The following ATP5PB variants were observed in gnomAD, a reference collection of about 807,000 sequenced individuals.
ATP5PB encodes ATP synthase peripheral stalk-membrane subunit b, also known as ATP synthase peripheral stalk subunit b, mitochondrial.
A neutral mutation model predicts 34.5 loss-of-function variants in ATP5PB; 21 were observed. That is an observed-to-expected ratio of 0.61 (90% confidence interval 0.43 to 0.88). The LOEUF is 0.88. Among genes scored for constraint, ATP5PB ranks in the 40% least tolerant of loss-of-function variants. The pLI is 0.00. For missense variants in ATP5PB, 293 were observed against 317.4 expected, an observed-to-expected ratio of 0.92 and a Z score of 0.58; for synonymous variants, 108 against 114.1, an observed-to-expected ratio of 0.95 and a Z score of 0.34.
At chr1:111,449,961 C>T (rs758221260) in intron 2 of ATP5PB, 88 bp downstream of exon 2, 18 of 1,550,658 alleles carry the variant, frequency 1.2e-5, no homozygotes, top group Non-Finnish European at 1.5e-5. Flanking sequence ...AGCTTTAGGT[C>T]AGAAATTTCT....
intron 2 of ATP5PB, among the ~76,000 whole-genome samples, chr1:111,452,531 A>G (rs1320017560): frequency 6.6e-6 from 1 of 152,234 alleles, no homozygotes; most frequent in Non-Finnish European, 1.5e-5. Context: ...AGATCATGCC[A>G]CTGTGCTCCC....
chr1:111,459,374 C>A, intron 5 of ATP5PB, 83 bp from the exon 6 acceptor site: 1 of 1,284,590 alleles, frequency 7.8e-7, no homozygotes, highest in Non-Finnish European at 1.1e-6. Context: ...AAGAAGTGGG[C>A]ATTCTCACTG....
At chr1:111,449,782 A>G in intron 1 of ATP5PB, 55 bp from the exon 2 acceptor site, 1 of 1,613,320 alleles carries the variant, frequency 6.2e-7, no homozygotes, top group Non-Finnish European at 8.5e-7. Flanking sequence ...GGGGTAAGGA[A>G]AGGGCAAACC....
At position 111,459,454 on chromosome 1, in the gene ATP5PB, C is replaced by T; in HGVS notation, c.514-3C>T. 6.3e-7 allele frequency: 1 copy of T among 1,594,082 alleles called. No homozygotes were observed. Among genetic ancestry groups the T allele is most frequent in the Non-Finnish European group, 8.6e-7 (1 of 1,168,272 alleles). ...TATTTATCATTTCTTAATTTTGCCC[C>T]AGAATAACATTGCTATGGCTTTGGA... On this transcript the variant is annotated splice_region_variant and splice_polypyrimidine_tract_variant and intron_variant, in intron 5 of 6. Coordinates refer to ENST00000369722, the MANE Select transcript of ATP5PB (RefSeq NM_001688.5).
At chr1:111,449,976 G>A in intron 2 of ATP5PB, 103 bp downstream of exon 2, 3 of 1,477,408 alleles carry the variant, frequency 2.0e-6, no homozygotes, top group Non-Finnish European at 2.8e-6. Flanking sequence ...ATTTCTTTCC[G>A]ATAATTTTGG....
chr1:111,454,148 T>C (rs1653404872), intron 2 of ATP5PB, 63 bp from the exon 3 acceptor site: 1 of 1,408,570 alleles, frequency 7.1e-7, no homozygotes, highest in South Asian at 1.8e-5. Flanking sequence ...TTCTGCTCAT[T>C]ATTCATACAC....
rs1653649590 is a variant in ATP5PB, at chr1:111,462,455, TGAA to T, written c.*1465_*1467del. On this transcript the variant is annotated 3_prime_UTR_variant, in exon 7 of 7. Transcript: ENST00000369722. ...TGTATTTTACAATCTTTTTTTAAATTGAAGAAAAATCCTGTAGATAAATTAGAA... is the reference window on the plus strand; with the variant it reads ...TGTATTTTACAATCTTTTTTTAAATTGAAAAATCCTGTAGATAAATTAGAA... The T allele has an allele frequency of 6.6e-6, 1 of 152,234 alleles. No homozygotes were observed. Among genetic ancestry groups the T allele is most frequent in the South Asian group, 2.1e-4 (1 of 4,830 alleles). 9.4% of individuals were successfully genotyped at this position (152,234 alleles called of 1,614,324 possible).
In ATP5PB at chr1:111,450,552, GAATT is replaced by G. The variant is rs567393903; in HGVS notation, c.77+682_77+685del. Among the ~76,000 whole-genome samples, 477 of 152,290 alleles carry G rather than the reference GAATT, an allele frequency of 3.1e-3. 2 individuals are homozygous for G. The highest frequency in any genetic ancestry group is 4.4e-3 in the Non-Finnish European group (297 of 68,030). Reference sequence around the variant, plus strand: ...GATAATAGTGCATTGTGGCTTTTGAGAATTAAGAGACAATTGCTGTGAAACTCAA... The same window carrying G: ...GATAATAGTGCATTGTGGCTTTTGAGAAGAGACAATTGCTGTGAAACTCAA... On this transcript the variant is annotated intron_variant, in intron 2 of 6. Transcript: ENST00000369722.
intron 2 of ATP5PB, among the ~76,000 whole-genome samples, chr1:111,451,986 G>T (rs558201589): frequency 6.6e-6 from 1 of 152,036 alleles, no homozygotes; most frequent in Non-Finnish European, 1.5e-5. Context: ...GGGCATTGTG[G>T]TGTACACCTG....
chr1:111,458,425 C>A (rs1257690627), intron 5 of ATP5PB, among the ~76,000 whole-genome samples: 1 of 152,134 alleles, frequency 6.6e-6, no homozygotes, highest in Non-Finnish European at 1.5e-5. Flanking sequence ...CCTGAAAGAA[C>A]TAATAGTGCA....
At chr1:111,455,278 A>G (rs1410393742) in intron 3 of ATP5PB, among the ~76,000 whole-genome samples, 1 of 152,092 alleles carries the variant, frequency 6.6e-6, no homozygotes, top group Non-Finnish European at 1.5e-5. Context: ...TTTCTTGCAA[A>G]TTCATATTTA....
In ATP5PB at chr1:111,456,110, T is replaced by C; in HGVS notation, c.248T>C (p.Leu83Pro). The C allele has an allele frequency of 6.2e-7, 1 of 1,607,336 alleles. No homozygotes were observed. Among genetic ancestry groups the C allele is most frequent in the Non-Finnish European group, 8.5e-7 (1 of 1,177,288 alleles). The change falls in exon 4 of 7, where the codon CTT becomes CCT. Residue 83 changes from leucine to proline, a missense_variant. Leu to Pro is a moderately conservative substitution (Grantham distance 98, BLOSUM62 -3). Transcript: ENST00000369722. Reference sequence around the variant, plus strand: ...GGACCCTATGTACTCGGAACTGGGCTTATCTTGTACGCTTTATCCAAAGAA... The same window carrying C: ...GGACCCTATGTACTCGGAACTGGGCCTATCTTGTACGCTTTATCCAAAGAA... ...VTGPYVLGTG[L>P]ILYALSKEIY...
In ATP5PB at chr1:111,462,538, A is replaced by T. The variant is rs1329866370; in HGVS notation, c.*1544A>T. ...TTGATTCTCCCATACTTGTACAAGG[A>T]TTTATTTGTATTCAAATGGACAAAT... is the stretch of plus-strand genomic sequence containing the variant. On this transcript the variant is annotated 3_prime_UTR_variant, in exon 7 of 7. Coordinates refer to ENST00000369722, the MANE Select transcript of ATP5PB (RefSeq NM_001688.5). 1.3e-5 allele frequency: 2 copies of T among 152,196 alleles called. No homozygotes were observed. The highest frequency in any genetic ancestry group is 2.9e-5 in the Non-Finnish European group (2 of 68,038). The allele number at this position is 152,196 out of a possible 1,614,324, so 9.4% of individuals were successfully genotyped here. A position where few individuals can be genotyped will look rare whatever the true frequency, so the allele number is the denominator to read the frequency against.
At chr1:111,454,470 T>TG (rs1653415188) in intron 3 of ATP5PB, 114 bp downstream of exon 3, 3 of 1,362,472 alleles carry the variant, frequency 2.2e-6, no homozygotes, top group African/African-American at 3.0e-5. Flanking sequence ...TTGTTGTTGT[T>TG]TTTTGAGACA....
intron 3 of ATP5PB, 124 bp from the exon 4 acceptor site, chr1:111,455,962 T>C: frequency 1.2e-6 from 1 of 826,696 alleles, no homozygotes; most frequent in Non-Finnish European, 1.7e-6. Flanking sequence ...AATCCAGTGT[T>C]TTGTCTTTGA....
chr1:111,455,465 C>G (rs953505364), intron 3 of ATP5PB, among the ~76,000 whole-genome samples: 4 of 152,160 alleles, frequency 2.6e-5, no homozygotes, highest in African/African-American at 9.7e-5. Flanking sequence ...CCCTTACATC[C>G]TGTGAGGCGC....
rs1177957896 is a variant in ATP5PB, at chr1:111,462,445, T to G, written c.*1451T>G. Reference sequence around the variant, plus strand: ...AAATTTTATGTGTATTTTACAATCTTTTTTTAAATTGAAGAAAAATCCTGT... The same window carrying G: ...AAATTTTATGTGTATTTTACAATCTGTTTTTAAATTGAAGAAAAATCCTGT... On this transcript the variant is annotated 3_prime_UTR_variant, in exon 7 of 7. Transcript: ENST00000369722. 6.6e-6 allele frequency: 1 copy of G among 152,220 alleles called. No homozygotes were observed. The highest frequency in any genetic ancestry group is 2.4e-5 in the African/African-American group (1 of 41,456). 9.4% of individuals were successfully genotyped at this position (152,220 alleles called of 1,614,324 possible). A position where few individuals can be genotyped will look rare whatever the true frequency, so the allele number is the denominator to read the frequency against.
rs975508646 is a variant in ATP5PB at position 111,454,150 on chromosome 1, T to C, written c.78-61T>C. ...CCCTATTTATTGTTTCTGCTCATTATTCATACACTGTATTCTCCTTAAAGA... is the reference window on the plus strand; with the variant it reads ...CCCTATTTATTGTTTCTGCTCATTACTCATACACTGTATTCTCCTTAAAGA... On this transcript the variant is annotated intron_variant, in intron 2 of 6. Coordinates refer to ENST00000369722, the MANE Select transcript of ATP5PB (RefSeq NM_001688.5). 3.5e-6 allele frequency: 5 copies of C among 1,439,472 alleles called. No individual in the cohort carries two copies. In the Admixed American group the frequency reaches 1.3e-4, roughly 38 times the overall value. The allele number at this position is 1,439,472 out of a possible 1,614,324, so 89.2% of individuals were successfully genotyped here.
At chr1:111,455,584 T>C (rs758175091) in intron 3 of ATP5PB, among the ~76,000 whole-genome samples, 14 of 152,224 alleles carry the variant, frequency 9.2e-5, no homozygotes, top group Non-Finnish European at 1.8e-4. Context: ...GCTACAGGAA[T>C]TGAGAATCCT....
Sources: allele counts gnomAD v4.1 joint callset (sites outside exome capture counted in the v4.1 genomes callset), GRCh38; gene constraint gnomAD v4.1.1; transcripts MANE v1.5; gene names NCBI Gene and HGNC (gene_info 2026-07-23, HGNC 2026-07-21).